The following RBFOX1 variants were observed in gnomAD, a reference collection of about 807,000 sequenced individuals.
RBFOX1 encodes the protein RNA binding protein fox-1 homolog 1.
RBFOX1 carries 8 observed loss-of-function variants against 57.7 expected under a neutral mutation model. The ratio of observed to expected loss-of-function variants is 0.14; its 90% CI spans 0.08 to 0.25. The LOEUF (loss-of-function observed/expected upper bound fraction) is 0.25, where lower values mean the gene tolerates loss of function less well. Ranked by LOEUF, RBFOX1 falls within the 10% of genes least tolerant of loss-of-function variation. The pLI is 1.00. For synonymous variants in RBFOX1, 326 were observed against 222.4 expected (o/e 1.47, Z -4.15); for missense variants, 611 against 548.5 (o/e 1.11, Z -1.14).
At chr16:7,523,942 C>A (rs771102031) in intron 5 of RBFOX1, among the ~76,000 whole-genome samples, 1 of 152,142 alleles carries the variant, frequency 6.6e-6, no homozygotes, top group Non-Finnish European at 1.5e-5. Context: ...TCCTGTGGAA[C>A]GAATTTAACC....
At chr16:7,414,098 G>A (rs1280105954) in intron 4 of RBFOX1, among the ~76,000 whole-genome samples, 1 of 152,188 alleles carries the variant, frequency 6.6e-6, no homozygotes, top group South Asian at 2.1e-4. Flanking sequence ...ATGTTACAAA[G>A]AAACCAGAAA....
Position 7,061,269 on chromosome 16 carries a change from G to GTT in RBFOX1, c.27+9176_27+9177dup, listed in dbSNP as rs536455119. ...GTACATTTAAAATGTTTTTTAAAAT[G>GTT]TTTTTTAAATGTCATCTTCACAAGA... On this transcript the variant is annotated intron_variant, in intron 4 of 15. Transcript: ENST00000550418. Among the ~76,000 whole-genome samples the GTT allele has an allele frequency of 2.4e-3, 367 of 152,144 alleles. 1 individual carries two copies. The highest frequency in any genetic ancestry group is 3.9e-3 in the Non-Finnish European group (268 of 67,970).
At chr16:6,334,574 A>G (rs904310583) in intron 2 of RBFOX1, among the ~76,000 whole-genome samples, 4 of 152,146 alleles carry the variant, frequency 2.6e-5, no homozygotes, top group African/African-American at 4.8e-5. Context: ...ATAAGATTCA[A>G]TATCCCATAG....
chr16:6,383,512 T>C (rs6500776), intron 2 of RBFOX1, among the ~76,000 whole-genome samples: 24,532 of 152,004 alleles, frequency 0.16, 2,935 homozygotes, highest in African/African-American at 0.34. Context: ...CAGTGGCTCA[T>C]GCCTGTAATG....
intron 3 of RBFOX1, among the ~76,000 whole-genome samples, chr16:5,706,978 G>T (rs552968520): frequency 6.6e-6 from 1 of 152,064 alleles, no homozygotes. Context: ...GAAGCCAAGC[G>T]TCCTGCGTAA....
intron 1 of RBFOX1, among the ~76,000 whole-genome samples, chr16:6,192,174 T>TCA (rs2097146063): frequency 6.6e-6 from 1 of 152,138 alleles, no homozygotes; most frequent in Admixed American, 6.6e-5. Context: ...TTGGAAGATG[T>TCA]CAGTGCTATT....
At chr16:5,577,027 C>T (rs557630838) in intron 2 of RBFOX1, among the ~76,000 whole-genome samples, 1 of 152,288 alleles carries the variant, frequency 6.6e-6, no homozygotes, top group Admixed American at 6.5e-5. Context: ...TCCTCTGCTC[C>T]TCTCTCCCCA....
intron 2 of RBFOX1, among the ~76,000 whole-genome samples, chr16:5,588,851 A>G (rs1370118257): frequency 1.3e-5 from 2 of 152,070 alleles, no homozygotes; most frequent in Non-Finnish European, 2.9e-5. Flanking sequence ...ATGAGACAGG[A>G]TTTTGCAGGT....
At chr16:7,206,731 A>G (rs1255964083) in intron 4 of RBFOX1, among the ~76,000 whole-genome samples, 2 of 152,080 alleles carry the variant, frequency 1.3e-5, no homozygotes, top group South Asian at 2.1e-4. Context: ...TGCCGACGAC[A>G]TTTACTGTGA....
intron 1 of RBFOX1, among the ~76,000 whole-genome samples, chr16:5,408,592 G>A (rs1202566690): frequency 6.6e-6 from 1 of 152,182 alleles, no homozygotes; most frequent in Non-Finnish European, 1.5e-5. Flanking sequence ...TGTGGCTGCT[G>A]TATTAGGCCG....
At chr16:5,818,723 T>C (rs958665489) in intron 3 of RBFOX1, among the ~76,000 whole-genome samples, 1 of 152,210 alleles carries the variant, frequency 6.6e-6, no homozygotes, top group Non-Finnish European at 1.5e-5. Flanking sequence ...AGAATGAGCT[T>C]CAAGGTATGA....
intron 3 of RBFOX1, among the ~76,000 whole-genome samples, chr16:5,665,090 T>G (rs2049789903): frequency 6.9e-6 from 1 of 144,780 alleles, no homozygotes. Flanking sequence ...AGACCACAGG[T>G]GTGCACCACC....
intron 4 of RBFOX1, among the ~76,000 whole-genome samples, chr16:7,513,283 TAATGAATG>T (rs71150306): frequency 8.1e-5 from 11 of 135,468 alleles, no homozygotes; most frequent in African/African-American, 2.7e-4. Flanking sequence ...AAAATAAAAA[TAATGAATG>T]AATGAATGAA....
At chr16:6,811,516 TC>T (rs1179048131) in intron 3 of RBFOX1, among the ~76,000 whole-genome samples, 1 of 152,208 alleles carries the variant, frequency 6.6e-6, no homozygotes, top group Non-Finnish European at 1.5e-5. Context: ...ATGTAGCTAG[TC>T]CTCAGACCAC....
chr16:6,780,209 T>TTA (rs1343298914), intron 3 of RBFOX1, among the ~76,000 whole-genome samples: 1 of 21,526 alleles, frequency 4.6e-5, no homozygotes, highest in Non-Finnish European at 6.6e-5. Context: ...TTTTATATAT[T>TTA]TATATATATT....
chr16:5,555,155 C>T (rs752951237), intron 2 of RBFOX1, among the ~76,000 whole-genome samples: 2 of 152,226 alleles, frequency 1.3e-5, no homozygotes, highest in Non-Finnish European at 2.9e-5. Context: ...TCTAGCTACC[C>T]TCCGCTATGG....
At chr16:7,308,197 T>C (rs554542823) in intron 4 of RBFOX1, among the ~76,000 whole-genome samples, 13 of 152,038 alleles carry the variant, frequency 8.6e-5, no homozygotes, top group Non-Finnish European at 1.9e-4. Context: ...GCAAACCTTA[T>C]AGCACCCATC....
At chr16:5,627,219 TTCTATCATATCCCATGTAG>T (rs1350277480) in intron 3 of RBFOX1, among the ~76,000 whole-genome samples, 2 of 152,236 alleles carry the variant, frequency 1.3e-5, no homozygotes, top group Non-Finnish European at 2.9e-5. Context: ...CTGAAAATGA[TTCTATCATATCCCATGTAG>T]TGGCACCAAA....
chr16:5,319,162 A>G (rs1646522427), intron 1 of RBFOX1, among the ~76,000 whole-genome samples: 1 of 152,014 alleles, frequency 6.6e-6, no homozygotes, highest in Non-Finnish European at 1.5e-5. Context: ...AAAAAACATA[A>G]AAAACCAGAG....
Sources: gnomAD v4.1 joint callset for allele counts (sites outside exome capture counted in the v4.1 genomes callset) on GRCh38, gnomAD v4.1.1 for gene constraint, MANE v1.5 for transcripts, NCBI Gene and HGNC (gene_info 2026-07-23, HGNC 2026-07-21) for gene names.